ZEB2: variants seen among roughly 807,000 people sequenced by gnomAD.
ZEB2 encodes the protein zinc finger E-box-binding homeobox 2.
Under a neutral mutation model 99.9 loss-of-function variants are expected in ZEB2, and 6 were observed. That is an observed-to-expected ratio of 0.06 (90% confidence interval 0.03 to 0.12). The LOEUF is 0.12. Among genes scored for constraint, ZEB2 ranks in the 10% least tolerant of loss-of-function variants. ZEB2 has a pLI of 1.00. For missense variants in ZEB2, 969 were observed against 1,502.8 expected (o/e 0.64, Z 5.87); for synonymous variants, 517 against 542.5 (o/e 0.95, Z 0.65).
intron 2 of ZEB2, chr2:144,461,226 G>A (rs1469419774): frequency 6.6e-6 from 1 of 151,636 alleles, no homozygotes; most frequent in Non-Finnish European, 1.5e-5. Context: ...TACCTAAGGT[G>A]AGCCCTCCCA....
At chr2:144,435,617 A>G (rs1009136219) in intron 2 of ZEB2, among the ~76,000 whole-genome samples, 4 of 151,474 alleles carry the variant, frequency 2.6e-5, no homozygotes, top group African/African-American at 9.7e-5. Context: ...AAAAAAAAAA[A>G]GAAGTGTTTT....
At chr2:144,402,700 A>T (rs1455061699) in intron 6 of ZEB2, among the ~76,000 whole-genome samples, 2 of 152,218 alleles carry the variant, frequency 1.3e-5, no homozygotes, top group Non-Finnish European at 2.9e-5. Flanking sequence ...TGCTAGATAA[A>T]TATCTAGGCA....
At chr2:144,435,969 C>T (rs1176444326) in intron 2 of ZEB2, among the ~76,000 whole-genome samples, 1 of 150,232 alleles carries the variant, frequency 6.7e-6, no homozygotes, top group African/African-American at 2.5e-5. Context: ...TACCTCCGTG[C>T]TTGGGTGGGT....
chr2:144,486,305 C>A (rs1056050021), intron 2 of ZEB2, among the ~76,000 whole-genome samples: 2 of 150,446 alleles, frequency 1.3e-5, no homozygotes, highest in African/African-American at 2.4e-5. Flanking sequence ...TTTTTTTGGT[C>A]GACCTGAAAA....
At chr2:144,447,941 ACC>A (rs1411934744) in intron 2 of ZEB2, among the ~76,000 whole-genome samples, 2 of 152,202 alleles carry the variant, frequency 1.3e-5, no homozygotes, top group African/African-American at 4.8e-5. Flanking sequence ...AAGTTATCTA[ACC>A]TGCCTCCATG....
At chr2:144,449,493 C>T (rs548940732) in intron 2 of ZEB2, 1 of 152,238 alleles carries the variant, frequency 6.6e-6, no homozygotes, top group African/African-American at 2.4e-5. Context: ...ACACCTATAA[C>T]AAGTACAGCT....
At chr2:144,430,851 CT>C (rs1329633752) in intron 2 of ZEB2, 1 of 152,316 alleles carries the variant, frequency 6.6e-6, no homozygotes, top group East Asian at 1.9e-4. Context: ...TTGAAGGTGG[CT>C]GTTTCTGAAT....
At chr2:144,411,149 C>CAA (rs1703459834) in intron 4 of ZEB2, among the ~76,000 whole-genome samples, 1 of 139,184 alleles carries the variant, frequency 7.2e-6, no homozygotes, top group Admixed American at 7.1e-5. Flanking sequence ...CACACACACA[C>CAA]GCTTCCCCAG....
intron 2 of ZEB2, chr2:144,512,429 G>A (rs916179282): frequency 7.8e-7 from 1 of 1,287,190 alleles, no homozygotes; most frequent in South Asian, 1.2e-5. Flanking sequence ...TTTTTCCCAG[G>A]AAATATTCTT....
At chr2:144,514,267 A>G (rs1200986199) in intron 2 of ZEB2, 1 of 175,074 alleles carries the variant, frequency 5.7e-6, no homozygotes, top group Non-Finnish European at 1.2e-5. Flanking sequence ...CCTTTAAAAC[A>G]CACACACTGC....
chr2:144,514,320 C>G (rs1469320105), intron 2 of ZEB2: 1 of 152,542 alleles, frequency 6.6e-6, no homozygotes, highest in African/African-American at 2.4e-5. Context: ...TATATATACA[C>G]TGTTGACTTC....
chr2:144,389,931 A>G lies in ZEB2; in HGVS notation c.3165T>C (p.Tyr1055=). 6.2e-7 allele frequency: 1 copy of G among 1,612,072 alleles called. No individual in the cohort carries two copies. Among genetic ancestry groups the G allele is most frequent in the African/African-American group, 1.3e-5 (1 of 75,044 alleles). Reference sequence around the variant, plus strand: ...AGCGCTTGCCACATTTATCACACTGATAGGGCTTCTCGCCCGAGTGAAGCC... The same window carrying G: ...AGCGCTTGCCACATTTATCACACTGGTAGGGCTTCTCGCCCGAGTGAAGCC... ...HSRLHSGEKP[Y]QCDKCGKRFS... is the part of the protein sequence containing the mutation. Residue 1055 remains tyrosine, a synonymous_variant, in exon 10 of 10, where the codon TAT becomes TAC. Transcript: ENST00000627532. The surrounding 1 kb of genome is among the most constrained non-coding windows in gnomAD (Gnocchi z 6.8).
intron 5 of ZEB2, 68 bp from the exon 6 acceptor site, chr2:144,404,198 G>A (rs1703350783): frequency 3.9e-6 from 6 of 1,546,682 alleles, no homozygotes; most frequent in Admixed American, 1.7e-5. Flanking sequence ...CAGCTAATGG[G>A]CTGACTGCCC....
At chr2:144,411,062 T>TATATAC (rs1703454358) in intron 4 of ZEB2, among the ~76,000 whole-genome samples, 2 of 59,588 alleles carry the variant, frequency 3.4e-5, no homozygotes, top group Non-Finnish European at 3.1e-5. Context: ...CATGTCTATA[T>TATATAC]ATATATATAT....
chr2:144,465,527 A>G (rs1348325467), intron 2 of ZEB2, among the ~76,000 whole-genome samples: 1 of 151,894 alleles, frequency 6.6e-6, no homozygotes, highest in Non-Finnish European at 1.5e-5. Flanking sequence ...CCAATCATAT[A>G]CTCTGTATTT....
At chr2:144,513,370 G>A in intron 2 of ZEB2, 2 of 1,330,942 alleles carry the variant, frequency 1.5e-6, no homozygotes, top group Non-Finnish European at 9.8e-7. Context: ...GAGACCAAAG[G>A]CATTTGTAAA....
Position 144,389,406 on chromosome 2 carries a change from A to T in ZEB2, c.*45T>A, listed in dbSNP as rs774259900. On this transcript the variant is annotated 3_prime_UTR_variant, in exon 10 of 10. Transcript: ENST00000627532. The surrounding 1 kb of genome is among the most constrained non-coding windows in gnomAD (Gnocchi z 6.8). ...CAGCAGTGTTTTCAAGCAGGTAACA[A>T]TACTACTGGAAAAAAAAATAGGAAG... 1.0e-5 allele frequency: 16 copies of T among 1,604,756 alleles called. No homozygotes were observed. Among genetic ancestry groups the T allele is most frequent in the Admixed American group, 1.7e-5 (1 of 60,014 alleles).
intron 2 of ZEB2, chr2:144,461,247 A>G (rs1560633857): frequency 9.2e-5 from 14 of 152,168 alleles, no homozygotes; most frequent in Admixed American, 7.9e-4. Flanking sequence ...GAGCTCCCGG[A>G]GTATAAAAGC....
Position 144,479,682 on chromosome 2 carries a change from T to TGGGGGGGG in ZEB2, c.73+37595_73+37596insCCCCCCCC, listed in dbSNP as rs140945730. ...TAGTGAGTGTGTATGCTACTTTTTT[T>TGGGGGGGG]TGGGGGGGGGGGCGGGGGGTGGACT... On this transcript the variant is annotated intron_variant, in intron 2 of 9. Coordinates refer to ENST00000627532, the MANE Select transcript of ZEB2 (RefSeq NM_014795.4). Among the ~76,000 whole-genome samples the TGGGGGGGG allele has an allele frequency of 7.7e-4, 23 of 29,854 alleles. 2 individuals carry two copies. Among genetic ancestry groups the TGGGGGGGG allele is most frequent in the Non-Finnish European group, 8.0e-4 (10 of 12,490 alleles). 19.6% of individuals were successfully genotyped at this position (29,854 alleles called of 152,430 possible).
Sources: allele counts gnomAD v4.1 joint callset (sites outside exome capture counted in the v4.1 genomes callset), GRCh38; gene constraint gnomAD v4.1.1; non-coding constraint Gnocchi (gnomAD v3.1); transcripts MANE v1.5; gene names NCBI Gene and HGNC (gene_info 2026-07-23, HGNC 2026-07-21).